Variants in KCNQ3 observed in about 807,000 individuals in gnomAD.
KCNQ3 encodes potassium voltage-gated channel subfamily Q member 3, also known as potassium voltage-gated channel subfamily KQT member 3.
KCNQ3 carries 30 observed loss-of-function variants against 92.5 expected under a neutral mutation model. The ratio of observed to expected loss-of-function variants is 0.32; its 90% CI spans 0.24 to 0.44. The LOEUF (loss-of-function observed/expected upper bound fraction) is 0.44. Among genes scored for constraint, KCNQ3 ranks in the 20% least tolerant of loss-of-function variants. The probability of loss-of-function intolerance (pLI) is 1.00; values close to 1 mark genes in which losing one functional copy is unlikely to be tolerated. For synonymous variants in KCNQ3, 450 were observed against 468.8 expected, an observed-to-expected ratio of 0.96 and a Z score of 0.52; for missense variants, 913 against 1,140.3, an observed-to-expected ratio of 0.80 and a Z score of 2.87.
chr8:132,340,405 T>C (rs1244389239), intron 1 of KCNQ3, among the ~76,000 whole-genome samples: 2 of 152,214 alleles, frequency 1.3e-5, no homozygotes, highest in Admixed American at 1.3e-4. Context: ...ATGTGGCACG[T>C]ATACACCATG....
intron 1 of KCNQ3, among the ~76,000 whole-genome samples, chr8:132,210,666 G>A (rs950978829): frequency 5.3e-5 from 8 of 152,186 alleles, no homozygotes; most frequent in Non-Finnish European, 8.8e-5. Context: ...AACCTACTTC[G>A]AAGTTCACTC....
intron 1 of KCNQ3, among the ~76,000 whole-genome samples, chr8:132,246,037 G>T (rs767751479): frequency 6.6e-6 from 1 of 152,112 alleles, no homozygotes; most frequent in Non-Finnish European, 1.5e-5. Flanking sequence ...ACACAGAAAC[G>T]AGAAGGCTTT....
intron 1 of KCNQ3, chr8:132,186,518 A>T (rs1826961791): frequency 2.7e-6 from 1 of 370,722 alleles, no homozygotes; most frequent in Non-Finnish European, 5.3e-6. Flanking sequence ...ACAACTTTTC[A>T]CAAGTCATTA....
At chr8:132,234,420 T>C (rs1814743945) in intron 1 of KCNQ3, among the ~76,000 whole-genome samples, 1 of 142,668 alleles carries the variant, frequency 7.0e-6, no homozygotes, top group African/African-American at 2.6e-5. Context: ...ATTTGGGAAA[T>C]TGGCTCAGGG....
At chr8:132,156,315 A>G (rs1825794091) in intron 9 of KCNQ3, among the ~76,000 whole-genome samples, 1 of 151,948 alleles carries the variant, frequency 6.6e-6, no homozygotes, top group Non-Finnish European at 1.5e-5. Flanking sequence ...GAACATGGAG[A>G]CACAGAAAGT....
chr8:132,375,337 A>G (rs922328363), intron 1 of KCNQ3, among the ~76,000 whole-genome samples: 21 of 136,770 alleles, frequency 1.5e-4, no homozygotes, highest in Admixed American at 6.8e-5. Flanking sequence ...TACTGAAAAG[A>G]ATGGCACTGT....
rs180840448 is a variant in KCNQ3 at position 132,316,606 on chromosome 8, G to C, written c.387-130425C>G. On this transcript the variant is annotated intron_variant, in intron 1 of 14. Transcript: ENST00000388996. ...CTGCACACATCTGCACATATGCATG[G>C]GATCATTGAGCCCAAGATCAAGTGC... Among the ~76,000 whole-genome samples the C allele has an allele frequency of 4.8e-3, 728 of 152,270 alleles. 5 individuals are homozygous for C. Among genetic ancestry groups the C allele is most frequent in the African/African-American group, 0.017 (706 of 41,554 alleles).
chr8:132,289,470 TC>T (rs1393087183), intron 1 of KCNQ3, among the ~76,000 whole-genome samples: 7 of 152,168 alleles, frequency 4.6e-5, no homozygotes, highest in Admixed American at 4.6e-4. Flanking sequence ...CTGCTGGCAT[TC>T]TTTGGTTTGT....
At chr8:132,222,903 A>C (rs749088694) in intron 1 of KCNQ3, among the ~76,000 whole-genome samples, 1 of 152,236 alleles carries the variant, frequency 6.6e-6, no homozygotes, top group Non-Finnish European at 1.5e-5. Flanking sequence ...CTTAACGAGA[A>C]AAATATTAAA....
At chr8:132,225,261 T>C (rs1814373710) in intron 1 of KCNQ3, among the ~76,000 whole-genome samples, 1 of 152,162 alleles carries the variant, frequency 6.6e-6, no homozygotes, top group South Asian at 2.1e-4. Context: ...TTGAGTTGAG[T>C]TCCTGCTCAA....
intron 1 of KCNQ3, among the ~76,000 whole-genome samples, chr8:132,385,319 G>T (rs1586975113): frequency 1.3e-5 from 2 of 152,342 alleles, no homozygotes; most frequent in East Asian, 3.9e-4. Flanking sequence ...TACTTCCTTA[G>T]AAATAGCATG....
chr8:132,335,330 C>T (rs1020473658), intron 1 of KCNQ3, among the ~76,000 whole-genome samples: 16 of 152,142 alleles, frequency 1.1e-4, no homozygotes, highest in East Asian at 5.8e-4. Context: ...TGAGTCACCG[C>T]GCCCAGCCCA....
chr8:132,246,658 A>G (rs998718673), intron 1 of KCNQ3, among the ~76,000 whole-genome samples: 3 of 152,232 alleles, frequency 2.0e-5, no homozygotes, highest in African/African-American at 7.2e-5. Context: ...CCGTTATATC[A>G]GATTATTTAA....
rs145490733 is a variant in KCNQ3 at position 132,366,290 on chromosome 8, CTA to C, written c.386+113855_386+113856del. On this transcript the variant is annotated intron_variant, in intron 1 of 14. Coordinates refer to ENST00000388996, the MANE Select transcript of KCNQ3 (RefSeq NM_004519.4). ...ACTATGGTAAATTGTATATCGATTTCTATATATGACTTTTTTGCCTTGCCCCC... is the reference window on the plus strand; with the variant it reads ...ACTATGGTAAATTGTATATCGATTTCTATATGACTTTTTTGCCTTGCCCCC... 3.3e-4 allele frequency among the ~76,000 whole-genome samples: 50 copies of C among 152,156 alleles called. 1 individual carries two copies. The East Asian group carries it at 8.7e-3, about 26-fold the overall frequency.
intron 1 of KCNQ3, among the ~76,000 whole-genome samples, chr8:132,282,546 C>T (rs1816555827): frequency 2.0e-5 from 3 of 152,154 alleles, no homozygotes. Context: ...CCTTGCTCTG[C>T]TCCCGCCCCC....
chr8:132,466,009 A>G (rs1378721240), intron 1 of KCNQ3, among the ~76,000 whole-genome samples: 1 of 152,214 alleles, frequency 6.6e-6, no homozygotes, highest in East Asian at 1.9e-4. Context: ...ATATGTGACC[A>G]TACCATAATA....
At chr8:132,461,569 A>AAAAAG (rs892685191) in intron 1 of KCNQ3, among the ~76,000 whole-genome samples, 5 of 152,200 alleles carry the variant, frequency 3.3e-5, no homozygotes, top group Non-Finnish European at 5.9e-5. Flanking sequence ...CCGTCTCAAA[A>AAAAAG]AAAAGAAAAG....
At chr8:132,434,207 C>CAA (rs546958236) in intron 1 of KCNQ3, among the ~76,000 whole-genome samples, 17 of 130,708 alleles carry the variant, frequency 1.3e-4, no homozygotes, top group South Asian at 2.5e-4. Flanking sequence ...GACTCCGTCT[C>CAA]AAAAAAAAAA....
chr8:132,270,789 A>G (rs1816124099), intron 1 of KCNQ3, among the ~76,000 whole-genome samples: 1 of 152,236 alleles, frequency 6.6e-6, no homozygotes, highest in Admixed American at 6.5e-5. Flanking sequence ...GCCAACCCTT[A>G]GACTGCACCG....
Sources: gnomAD v4.1 joint callset for allele counts (sites outside exome capture counted in the v4.1 genomes callset) on GRCh38, gnomAD v4.1.1 for gene constraint, MANE v1.5 for transcripts, NCBI Gene and HGNC (gene_info 2026-07-23, HGNC 2026-07-21) for gene names.